SGPP2: variants seen among roughly 807,000 people sequenced by gnomAD.
The protein encoded by SGPP2 is sphingosine-1-phosphate phosphatase 2, also known as sphingosine 1-phosphate phosphohydrolase 2.
Under a neutral mutation model 33.9 loss-of-function variants are expected in SGPP2, and 30 were observed. That is an observed-to-expected ratio of 0.89 (90% confidence interval 0.66 to 1.20). The LOEUF is 1.20. Ranked by LOEUF, SGPP2 falls within the 50% of genes most tolerant of loss-of-function variation. The probability of loss-of-function intolerance (pLI) is 0.00; values close to 1 mark genes in which losing one functional copy is unlikely to be tolerated. For synonymous variants in SGPP2, 233 were observed against 225.0 expected, an observed-to-expected ratio of 1.04 and a Z score of -0.32; for missense variants, 458 against 532.1, an observed-to-expected ratio of 0.86 and a Z score of 1.37.
intron 2 of SGPP2, among the ~76,000 whole-genome samples, chr2:222,519,559 T>A (rs1698652387): frequency 6.6e-6 from 1 of 152,184 alleles, no homozygotes; most frequent in Admixed American, 6.5e-5. Context: ...AATTCTTTTT[T>A]AAAAAAATCA....
At chr2:222,437,025 G>A (rs1217940595) in intron 1 of SGPP2, among the ~76,000 whole-genome samples, 1 of 152,130 alleles carries the variant, frequency 6.6e-6, no homozygotes, top group Non-Finnish European at 1.5e-5. Context: ...GAGTGGCTGG[G>A]GAAAGAGGCT....
chr2:222,467,465 G>A (rs1055453701), intron 1 of SGPP2, among the ~76,000 whole-genome samples: 5 of 151,916 alleles, frequency 3.3e-5, no homozygotes, highest in Non-Finnish European at 5.9e-5. Context: ...CCATTAGCAG[G>A]TGAGGAAGCT....
chr2:222,503,768 A>G (rs1179461238), intron 2 of SGPP2: 1 of 152,060 alleles, frequency 6.6e-6, no homozygotes, highest in Admixed American at 6.6e-5. Flanking sequence ...GAGAGAAAGG[A>G]AGGTTCTCAA....
intron 1 of SGPP2, among the ~76,000 whole-genome samples, chr2:222,427,417 T>G (rs976731993): frequency 1.3e-5 from 2 of 152,092 alleles, no homozygotes; most frequent in African/African-American, 4.8e-5. Flanking sequence ...CATGCCATCA[T>G]CTGGTTTGTT....
chr2:222,448,559 A>T (rs1042613141), intron 1 of SGPP2, among the ~76,000 whole-genome samples: 1 of 152,252 alleles, frequency 6.6e-6, no homozygotes, highest in African/African-American at 2.4e-5. Flanking sequence ...GAGATAAGAC[A>T]GATAATGGGA....
chr2:222,512,288 G>A (rs1184226210), intron 2 of SGPP2, among the ~76,000 whole-genome samples: 1 of 152,150 alleles, frequency 6.6e-6, no homozygotes, highest in African/African-American at 2.4e-5. Flanking sequence ...TGGGATTACA[G>A]GCGTGAACCA....
chr2:222,430,856 C>T (rs1045576072), intron 1 of SGPP2, among the ~76,000 whole-genome samples: 7 of 151,956 alleles, frequency 4.6e-5, no homozygotes, highest in Non-Finnish European at 8.8e-5. Context: ...AATATCTGAC[C>T]AGTACTCTTC....
At chr2:222,505,307 A>T (rs1296121212) in intron 2 of SGPP2, among the ~76,000 whole-genome samples, 2 of 152,218 alleles carry the variant, frequency 1.3e-5, no homozygotes, top group Non-Finnish European at 2.9e-5. Flanking sequence ...GTAAAAGAAC[A>T]ACTATGATTC....
At chr2:222,440,687 A>G (rs992350383) in intron 1 of SGPP2, among the ~76,000 whole-genome samples, 2 of 151,784 alleles carry the variant, frequency 1.3e-5, no homozygotes, top group African/African-American at 4.8e-5. Context: ...TTGTTAAGCT[A>G]CTTTAAACTG....
chr2:222,459,667 C>G (rs1307294257), intron 1 of SGPP2, among the ~76,000 whole-genome samples: 2 of 151,638 alleles, frequency 1.3e-5, no homozygotes, highest in Non-Finnish European at 1.5e-5. Context: ...GAGAGAGAGA[C>G]AGAGATGGGC....
chr2:222,452,349 G>T, intron 1 of SGPP2: 2 of 697,228 alleles, frequency 2.9e-6, no homozygotes, highest in Non-Finnish European at 5.3e-6. Flanking sequence ...GGAGAGGAAG[G>T]ATTCAGCCAG....
intron 2 of SGPP2, among the ~76,000 whole-genome samples, chr2:222,492,454 A>G (rs971893055): frequency 6.6e-6 from 1 of 152,206 alleles, no homozygotes; most frequent in Non-Finnish European, 1.5e-5. Flanking sequence ...CCTGAACTAT[A>G]CCTTGGCCCC....
At chr2:222,502,828 G>C (rs1698387824) in intron 2 of SGPP2, among the ~76,000 whole-genome samples, 1 of 152,110 alleles carries the variant, frequency 6.6e-6, no homozygotes, top group Non-Finnish European at 1.5e-5. Flanking sequence ...CATCAGGAAT[G>C]GTTTATATTG....
chr2:222,480,589 G>A (rs983542691), intron 2 of SGPP2, among the ~76,000 whole-genome samples: 4 of 152,230 alleles, frequency 2.6e-5, no homozygotes, highest in Admixed American at 2.0e-4. Context: ...GAAATCATAA[G>A]CCTGTTTCTA....
intron 2 of SGPP2, chr2:222,504,384 C>G (rs1698413199): frequency 6.6e-6 from 1 of 152,234 alleles, no homozygotes; most frequent in Non-Finnish European, 1.5e-5. Flanking sequence ...TGACTTCTGC[C>G]AGGAGAGTCA....
intron 2 of SGPP2, among the ~76,000 whole-genome samples, chr2:222,513,967 T>C (rs1331439833): frequency 6.6e-6 from 1 of 152,228 alleles, no homozygotes; most frequent in Non-Finnish European, 1.5e-5. Flanking sequence ...AATCATACAA[T>C]GTGTGATCTT....
At chr2:222,458,366 T>G (rs939915440) in intron 1 of SGPP2, among the ~76,000 whole-genome samples, 3 of 152,148 alleles carry the variant, frequency 2.0e-5, no homozygotes, top group Admixed American at 2.0e-4. Flanking sequence ...AGTGCCTCTG[T>G]TGAAAGAAAC....
At chr2:222,492,892 C>G (rs1426151274) in intron 2 of SGPP2, among the ~76,000 whole-genome samples, 1 of 152,186 alleles carries the variant, frequency 6.6e-6, no homozygotes, top group African/African-American at 2.4e-5. Context: ...GCTAGAGTGA[C>G]CTTTGCTCCA....
chr2:222,503,344 G>A (rs1041332390), intron 2 of SGPP2, among the ~76,000 whole-genome samples: 1 of 152,252 alleles, frequency 6.6e-6, no homozygotes, highest in Middle Eastern at 3.4e-3. Flanking sequence ...AACATATTAA[G>A]GCTAAAATAA....
Sources: gnomAD v4.1 joint callset for allele counts (sites outside exome capture counted in the v4.1 genomes callset) on GRCh38, gnomAD v4.1.1 for gene constraint, MANE v1.5 for transcripts, NCBI Gene and HGNC (gene_info 2026-07-23, HGNC 2026-07-21) for gene names.